Variants in ZNF69 observed in about 807,000 individuals in gnomAD.
The protein encoded by ZNF69 is ZNF3.
ZNF69 carries 47 observed loss-of-function variants against 50.9 expected under a neutral mutation model. That is an observed-to-expected ratio of 0.92 (90% CI 0.73 to 1.18). The LOEUF (loss-of-function observed/expected upper bound fraction) is 1.18. Among genes scored for constraint, ZNF69 ranks in the 50% most tolerant of loss-of-function variants. The pLI is 0.00. For synonymous variants in ZNF69, 216 were observed against 223.1 expected (o/e 0.97, Z 0.29); for missense variants, 717 against 675.1 (o/e 1.06, Z -0.69).
At chr19:11,972,037 A>G in the ZNF69 span, among the ~76,000 whole-genome samples, 1 of 151,822 alleles carries the variant, frequency 6.6e-6, no homozygotes, top group African/African-American at 2.4e-5. Flanking sequence ...ACTCCAGCCC[A>G]GGCAACAAGA....
At chr19:11,977,905 G>A in the ZNF69 span, among the ~76,000 whole-genome samples, 1 of 151,986 alleles carries the variant, frequency 6.6e-6, no homozygotes, top group East Asian at 1.9e-4. Flanking sequence ...TAGTTTACAT[G>A]GGAATAGTAT....
At chr19:11,934,905 G>T in the ZNF69 span, among the ~76,000 whole-genome samples, 1 of 147,578 alleles carries the variant, frequency 6.8e-6, no homozygotes, top group Admixed American at 6.6e-5. Context: ...CTTTGGTCGG[G>T]TGCGGTGGCT....
the ZNF69 span, among the ~76,000 whole-genome samples, chr19:11,943,486 TC>T: frequency 1.3e-5 from 2 of 152,220 alleles, no homozygotes; most frequent in African/African-American, 4.8e-5. Context: ...AATGGGGGTC[TC>T]TTTTTTTTCT....
At chr19:11,909,057 A>G (rs1972420247), downstream of ZNF69, among the ~76,000 whole-genome samples, 3 of 152,366 alleles carry the variant, frequency 2.0e-5, no homozygotes, top group South Asian at 6.2e-4. Context: ...TATGGAAATA[A>G]ACTAGAAAAT....
intron 1 of ZNF69, among the ~76,000 whole-genome samples, chr19:11,893,906 G>C (rs1165855740): frequency 6.6e-6 from 1 of 152,202 alleles, no homozygotes; most frequent in Non-Finnish European, 1.5e-5. Flanking sequence ...AGGAAAAAGA[G>C]AAATGATTCC....
At chr19:11,978,866 T>C in the ZNF69 span, 2 of 1,613,902 alleles carry the variant, frequency 1.2e-6, no homozygotes, top group East Asian at 2.2e-5. Context: ...CCTGTGAATG[T>C]AGCAAATGTA....
chr19:11,904,652 T>A lies in ZNF69; in HGVS notation c.255T>A (p.Ser85Arg). Residue 85 changes from serine to arginine, a missense_variant, in exon 4 of 4, where the codon AGT becomes AGA. Ser to Arg is a moderately radical substitution (Grantham distance 110). Transcript: ENST00000429654. ...EYQNPRRNFR[S>R]LIEKKVNEIK... ...ATGTGCTTCTCATTTTTGACAGGAG[T>A]CTCATAGAAAAGAAAGTCAATGAAA... The A allele has an allele frequency of 6.2e-7, 1 of 1,610,806 alleles. No individual in the cohort carries two copies. Among genetic ancestry groups the A allele is most frequent in the Non-Finnish European group, 8.5e-7 (1 of 1,179,202 alleles).
At chr19:11,920,085 G>A in the ZNF69 span, among the ~76,000 whole-genome samples, 1 of 150,876 alleles carries the variant, frequency 6.6e-6, no homozygotes, top group Non-Finnish European at 1.5e-5. Context: ...AACGACTTGG[G>A]ACAAAAAAGG....
chr19:11,901,588 G>A (rs1972245186), intron 1 of ZNF69, among the ~76,000 whole-genome samples: 1 of 152,188 alleles, frequency 6.6e-6, no homozygotes, highest in South Asian at 2.1e-4. Flanking sequence ...AGGTTCAAAT[G>A]ATTCTCCCAT....
chr19:11,940,203 T>G, the ZNF69 span, among the ~76,000 whole-genome samples: 1 of 152,228 alleles, frequency 6.6e-6, no homozygotes, highest in Non-Finnish European at 1.5e-5. Flanking sequence ...GTGCTGGGCT[T>G]ATAGGCATGA....
At chr19:11,936,331 A>G in the ZNF69 span, among the ~76,000 whole-genome samples, 1 of 152,140 alleles carries the variant, frequency 6.6e-6, no homozygotes. Flanking sequence ...CTATTTCTCC[A>G]CATCCTCTCC....
At chr19:11,951,053 A>T in the ZNF69 span, among the ~76,000 whole-genome samples, 3 of 148,484 alleles carry the variant, frequency 2.0e-5, no homozygotes, top group Non-Finnish European at 3.0e-5. Flanking sequence ...CGGGAGGCTG[A>T]GGCAGGAGAA....
At chr19:11,945,942 G>A in the ZNF69 span, among the ~76,000 whole-genome samples, 1 of 152,106 alleles carries the variant, frequency 6.6e-6, no homozygotes, top group Non-Finnish European at 1.5e-5. Flanking sequence ...AGACTCGTGT[G>A]GCTTCGATTA....
At chr19:11,892,135 A>ATTTTTTTTT (rs4071659) in intron 1 of ZNF69, among the ~76,000 whole-genome samples, 2 of 113,934 alleles carry the variant, frequency 1.8e-5, no homozygotes, top group African/African-American at 3.5e-5. Flanking sequence ...CTCCTGGCTG[A>ATTTTTTTTT]TTTTTTTTTT....
chr19:11,930,027 C>A, the ZNF69 span, among the ~76,000 whole-genome samples: 1 of 147,998 alleles, frequency 6.8e-6, no homozygotes, highest in African/African-American at 2.7e-5. Context: ...CCCAAGACCC[C>A]CACAATTGCC....
the ZNF69 span, among the ~76,000 whole-genome samples, chr19:11,975,689 A>G: frequency 6.6e-6 from 1 of 152,028 alleles, no homozygotes; most frequent in South Asian, 2.1e-4. Context: ...GGCCTTTAAG[A>G]TGTTACTTTC....
At chr19:11,941,753 A>C in the ZNF69 span, among the ~76,000 whole-genome samples, 1 of 152,246 alleles carries the variant, frequency 6.6e-6, no homozygotes, top group Non-Finnish European at 1.5e-5. Context: ...ACAGTGCAGC[A>C]GTGGGCTGAA....
chr19:11,917,635 A>ATTTG (rs113207777), downstream of ZNF69, among the ~76,000 whole-genome samples: 8 of 151,202 alleles, frequency 5.3e-5, no homozygotes, highest in African/African-American at 9.7e-5. Context: ...GAATTTATTT[A>ATTTG]TTTGTTTGTT....
At chr19:11,925,860 G>A in the ZNF69 span, among the ~76,000 whole-genome samples, 1 of 152,208 alleles carries the variant, frequency 6.6e-6, no homozygotes, top group Non-Finnish European at 1.5e-5. Context: ...GCAGCCTGGA[G>A]TAAGTGGTCC....
Sources: gnomAD v4.1 joint callset for allele counts (sites outside exome capture counted in the v4.1 genomes callset) on GRCh38, gnomAD v4.1.1 for gene constraint, MANE v1.5 for transcripts, NCBI Gene and HGNC (gene_info 2026-07-23, HGNC 2026-07-21) for gene names.